The following ARL15 variants were observed in gnomAD, a reference collection of about 807,000 sequenced individuals.
The protein encoded by ARL15 is ARF like GTPase 15.
In ARL15, 19 loss-of-function variants were observed where a neutral mutation model predicts 25.2. The observed-to-expected ratio is 0.75, with a 90% CI of 0.53 to 1.10. The LOEUF is 1.10. Among genes scored for constraint, ARL15 ranks in the 50% least tolerant of loss-of-function variants. The pLI, the probability that ARL15 is intolerant of heterozygous loss-of-function variation, is 0.00. For synonymous variants in ARL15, 94 were observed against 86.8 expected (o/e 1.08, Z -0.46); for missense variants, 220 against 246.0 (o/e 0.89, Z 0.71).
chr5:53,903,798 T>C (rs1296275024), intron 4 of ARL15, among the ~76,000 whole-genome samples: 2 of 152,116 alleles, frequency 1.3e-5, no homozygotes, highest in Non-Finnish European at 2.9e-5. Context: ...GTACACCAAA[T>C]TGGGCTGAAA....
chr5:54,123,266 C>T (rs1262455367), intron 3 of ARL15, among the ~76,000 whole-genome samples: 1 of 152,044 alleles, frequency 6.6e-6, no homozygotes, highest in Non-Finnish European at 1.5e-5. Context: ...CCTGCCACCA[C>T]ACTCAGCTAA....
intron 4 of ARL15, among the ~76,000 whole-genome samples, chr5:53,969,851 T>C (rs1747679915): frequency 6.6e-6 from 1 of 151,848 alleles, no homozygotes; most frequent in African/African-American, 2.4e-5. Flanking sequence ...GAAAAAAAAA[T>C]CCCATGTTTG....
chr5:54,306,944 T>C (rs1758772586), intron 1 of ARL15, among the ~76,000 whole-genome samples: 1 of 152,188 alleles, frequency 6.6e-6, no homozygotes, highest in African/African-American at 2.4e-5. Flanking sequence ...GAGAAATGTG[T>C]TTTTCTCTTT....
intron 4 of ARL15, among the ~76,000 whole-genome samples, chr5:54,011,308 A>AC (rs1749235830): frequency 6.6e-6 from 1 of 152,142 alleles, no homozygotes; most frequent in Admixed American, 6.5e-5. Context: ...CACCATTATT[A>AC]CCTCAAAAAG....
At chr5:54,240,848 T>C (rs556589765) in intron 1 of ARL15, among the ~76,000 whole-genome samples, 24 of 152,328 alleles carry the variant, frequency 1.6e-4, no homozygotes, top group Non-Finnish European at 4.4e-5. Flanking sequence ...AAAGTGTTCA[T>C]TGAAGGTTTT....
intron 4 of ARL15, among the ~76,000 whole-genome samples, chr5:53,915,518 A>C (rs750337865): frequency 2.6e-5 from 4 of 152,222 alleles, no homozygotes; most frequent in Non-Finnish European, 4.4e-5. Context: ...ATAGCAAAAG[A>C]AGCTTTAAAA....
At position 53,884,000 on chromosome 5, in the gene ARL15, A is replaced by G. The variant is rs901268843; in HGVS notation, c.*2561T>C. Reference sequence around the variant, plus strand: ...ATAGTGGAAATCGTAGAAATCATGGACAATACAAGTTGGTCTTGCCTGGTA... The same window carrying G: ...ATAGTGGAAATCGTAGAAATCATGGGCAATACAAGTTGGTCTTGCCTGGTA... On this transcript the variant is annotated 3_prime_UTR_variant, in exon 5 of 5. Transcript: ENST00000504924. The G allele has an allele frequency of 6.6e-6, 1 of 152,158 alleles. No homozygotes were observed. Among genetic ancestry groups the G allele is most frequent in the East Asian group, 1.9e-4 (1 of 5,188 alleles). The allele number at this position is 152,158 out of a possible 1,614,324, so 9.4% of individuals were successfully genotyped here. A position where few individuals can be genotyped will look rare whatever the true frequency, so the allele number is the denominator to read the frequency against.
In ARL15 at chr5:53,886,260, C is replaced by G. The variant is rs1190431230; in HGVS notation, c.*301G>C. Reference sequence around the variant, plus strand: ...ATTTCCATAAGCCATGAATTCCATCCGTTTCAGCACAGAGTATAGAAGAGA... The same window carrying G: ...ATTTCCATAAGCCATGAATTCCATCGGTTTCAGCACAGAGTATAGAAGAGA... On this transcript the variant is annotated 3_prime_UTR_variant, in exon 5 of 5. Transcript: ENST00000504924. 5.0e-6 allele frequency: 1 copy of G among 198,900 alleles called. No homozygotes were observed. Among genetic ancestry groups the G allele is most frequent in the Admixed American group, 5.9e-5 (1 of 16,948 alleles). 12.3% of individuals were successfully genotyped at this position (198,900 alleles called of 1,614,324 possible).
At chr5:53,956,712 G>A (rs1747169559) in intron 4 of ARL15, among the ~76,000 whole-genome samples, 1 of 151,888 alleles carries the variant, frequency 6.6e-6, no homozygotes, top group African/African-American at 2.4e-5. Flanking sequence ...AAAATCTGGA[G>A]CTGACATATG....
chr5:53,918,596 T>C (rs139379496), intron 4 of ARL15, among the ~76,000 whole-genome samples: 7 of 152,276 alleles, frequency 4.6e-5, no homozygotes, highest in Non-Finnish European at 1.0e-4. Context: ...TGGGGGGTCA[T>C]GCAAAATAAA....
At chr5:54,087,416 C>T (rs1291800647) in intron 4 of ARL15, among the ~76,000 whole-genome samples, 1 of 152,084 alleles carries the variant, frequency 6.6e-6, no homozygotes, top group African/African-American at 2.4e-5. Context: ...TATACTAAGC[C>T]ATGTTATTAT....
intron 1 of ARL15, among the ~76,000 whole-genome samples, chr5:54,243,949 C>G (rs1342879821): frequency 6.6e-6 from 1 of 152,138 alleles, no homozygotes; most frequent in African/African-American, 2.4e-5. Flanking sequence ...TAGGACTGAG[C>G]AAGTATGGGC....
intron 1 of ARL15, among the ~76,000 whole-genome samples, chr5:54,213,530 T>G (rs555796283): frequency 6.6e-6 from 1 of 152,192 alleles, no homozygotes; most frequent in East Asian, 1.9e-4. Context: ...AACAGACTTT[T>G]CAAAAGGAAT....
At chr5:54,204,004 C>T (rs907272497) in intron 1 of ARL15, among the ~76,000 whole-genome samples, 1 of 151,962 alleles carries the variant, frequency 6.6e-6, no homozygotes, top group Non-Finnish European at 1.5e-5. Flanking sequence ...GCCCACCCCG[C>T]CAAGGTTTTT....
chr5:54,304,140 T>C (rs957655033), intron 1 of ARL15, among the ~76,000 whole-genome samples: 1 of 152,170 alleles, frequency 6.6e-6, no homozygotes, highest in African/African-American at 2.4e-5. Flanking sequence ...AAATTTTGAG[T>C]GCATCCCAAC....
At chr5:54,274,418 C>T (rs1043701009) in intron 1 of ARL15, among the ~76,000 whole-genome samples, 2 of 152,080 alleles carry the variant, frequency 1.3e-5, no homozygotes, top group South Asian at 2.1e-4. Context: ...ATACAGCAGT[C>T]CTATCAATCT....
chr5:54,182,997 T>A (rs1420653088), intron 1 of ARL15, among the ~76,000 whole-genome samples: 4 of 139,634 alleles, frequency 2.9e-5, no homozygotes, highest in Non-Finnish European at 6.4e-5. Flanking sequence ...GTACATTGAT[T>A]TTGTATCCTG....
At chr5:54,272,122 T>C (rs1387428982) in intron 1 of ARL15, among the ~76,000 whole-genome samples, 2 of 140,488 alleles carry the variant, frequency 1.4e-5, no homozygotes, top group African/African-American at 5.2e-5. Flanking sequence ...TTTTTTTTTT[T>C]TTTTTTTTTT....
intron 2 of ARL15, among the ~76,000 whole-genome samples, chr5:54,166,848 C>T (rs1291064945): frequency 1.3e-5 from 2 of 152,176 alleles, no homozygotes; most frequent in South Asian, 2.1e-4. Flanking sequence ...TTTCTGGCCT[C>T]TTCCCATCCC....
Sources: allele counts gnomAD v4.1 joint callset (sites outside exome capture counted in the v4.1 genomes callset), GRCh38; gene constraint gnomAD v4.1.1; transcripts MANE v1.5; gene names NCBI Gene and HGNC (gene_info 2026-07-23, HGNC 2026-07-21).